The following TMCC1 variants were observed in gnomAD, a reference collection of about 807,000 sequenced individuals.
TMCC1 encodes transmembrane and coiled-coil domains protein 1.
A neutral mutation model predicts 52.4 loss-of-function variants in TMCC1; 15 were observed. The observed-to-expected ratio is 0.29, with a 90% CI of 0.19 to 0.44. TMCC1 has a LOEUF of 0.44. Ranked by LOEUF, TMCC1 falls within the 20% of genes least tolerant of loss-of-function variation. TMCC1 has a pLI of 1.00. For synonymous variants in TMCC1, 279 were observed against 301.9 expected, an observed-to-expected ratio of 0.92 and a Z score of 0.79; for missense variants, 503 against 806.0, an observed-to-expected ratio of 0.62 and a Z score of 4.55.
At chr3:129,761,946 G>A (rs969226783) in intron 4 of TMCC1, among the ~76,000 whole-genome samples, 4 of 130,262 alleles carry the variant, frequency 3.1e-5, no homozygotes, top group Admixed American at 9.1e-5. Flanking sequence ...AGCCGAGATC[G>A]TGCCATTGCA....
intron 1 of TMCC1, among the ~76,000 whole-genome samples, chr3:129,888,331 T>A (rs1434303318): frequency 6.6e-6 from 1 of 152,240 alleles, no homozygotes; most frequent in Non-Finnish European, 1.5e-5. Flanking sequence ...GATATGTGTA[T>A]ATACACAGGT....
At chr3:129,820,413 G>A (rs2058360117) in intron 4 of TMCC1, among the ~76,000 whole-genome samples, 1 of 151,942 alleles carries the variant, frequency 6.6e-6, no homozygotes, top group South Asian at 2.1e-4. Flanking sequence ...TTATTAGTCT[G>A]GAGAAGGGAT....
chr3:129,649,363 T>C lies in TMCC1; in HGVS notation c.*2118A>G, dbSNP rs1449838078. The stretch of plus-strand genomic sequence containing the variant: ...GCAATATTTTTAGGCAAAGTTAACA[T>C]TTTAATACATATAGGCTTGGGGACA... On this transcript the variant is annotated 3_prime_UTR_variant, in exon 7 of 7. Coordinates refer to ENST00000393238, the MANE Select transcript of TMCC1 (RefSeq NM_001017395.5). 6.6e-6 allele frequency: 1 copy of C among 152,230 alleles called. No individual in the cohort carries two copies. Among genetic ancestry groups the C allele is most frequent in the African/African-American group, 2.4e-5 (1 of 41,440 alleles). 9.4% of individuals were successfully genotyped at this position (152,230 alleles called of 1,614,324 possible). A position where few individuals can be genotyped will look rare whatever the true frequency, so the allele number is the denominator to read the frequency against.
chr3:129,716,436 GC>G (rs1349900269), intron 4 of TMCC1, among the ~76,000 whole-genome samples: 3 of 145,914 alleles, frequency 2.1e-5, no homozygotes, highest in Non-Finnish European at 4.5e-5. Context: ...CCAGGTTCAC[GC>G]CATTCTCCTG....
intron 4 of TMCC1, among the ~76,000 whole-genome samples, chr3:129,746,048 C>T (rs911174679): frequency 2.7e-5 from 4 of 150,032 alleles, no homozygotes; most frequent in African/African-American, 9.8e-5. Context: ...TGAGCCACTG[C>T]ACCCAGCCCT....
intron 2 of TMCC1, among the ~76,000 whole-genome samples, chr3:129,851,803 T>C (rs997262061): frequency 3.9e-5 from 6 of 152,148 alleles, no homozygotes; most frequent in African/African-American, 1.4e-4. Context: ...GCAGTATAGA[T>C]GAATAGGCAA....
chr3:129,654,859 T>C, intron 6 of TMCC1, 109 bp downstream of exon 6: 1 of 1,446,680 alleles, frequency 6.9e-7, no homozygotes, highest in Non-Finnish European at 9.3e-7. Context: ...ACAGTTGGTA[T>C]AAGCTTTTCT....
At chr3:129,891,756 T>G (rs1188565322) in intron 1 of TMCC1, among the ~76,000 whole-genome samples, 3 of 152,220 alleles carry the variant, frequency 2.0e-5, no homozygotes, top group Non-Finnish European at 4.4e-5. Flanking sequence ...AAGGGCTCAA[T>G]AAACATTTGA....
At chr3:129,833,289 C>T (rs959990675) in intron 2 of TMCC1, among the ~76,000 whole-genome samples, 1 of 151,970 alleles carries the variant, frequency 6.6e-6, no homozygotes, top group African/African-American at 2.4e-5. Context: ...TCTAAAAATC[C>T]TATCTTAGGC....
intron 4 of TMCC1, among the ~76,000 whole-genome samples, chr3:129,734,332 C>A (rs181710696): frequency 1.0e-3 from 157 of 152,236 alleles, no homozygotes; most frequent in African/African-American, 3.4e-3. Flanking sequence ...ACTTGCATAA[C>A]ATGTAGAAGA....
intron 2 of TMCC1, among the ~76,000 whole-genome samples, chr3:129,876,351 G>C (rs921658401): frequency 6.7e-6 from 1 of 149,998 alleles, no homozygotes; most frequent in African/African-American, 2.4e-5. Flanking sequence ...CCCACTGACA[G>C]AACAAAGACT....
intron 4 of TMCC1, among the ~76,000 whole-genome samples, chr3:129,810,681 A>G (rs1283585396): frequency 6.6e-6 from 1 of 152,268 alleles, no homozygotes; most frequent in Non-Finnish European, 1.5e-5. Flanking sequence ...ATTATATAAT[A>G]TAAAGACAAT....
At chr3:129,779,249 G>A (rs1447821827) in intron 4 of TMCC1, among the ~76,000 whole-genome samples, 1 of 152,094 alleles carries the variant, frequency 6.6e-6, no homozygotes, top group Non-Finnish European at 1.5e-5. Context: ...TTTACTTCTA[G>A]TCAGCATTGC....
intron 2 of TMCC1, among the ~76,000 whole-genome samples, chr3:129,840,860 G>A (rs1400173036): frequency 6.6e-6 from 1 of 152,116 alleles, no homozygotes; most frequent in Admixed American, 6.5e-5. Flanking sequence ...GTTTTTTATA[G>A]CAGTGTGAAA....
intron 4 of TMCC1, among the ~76,000 whole-genome samples, chr3:129,791,390 G>A (rs989261909): frequency 1.3e-5 from 2 of 152,076 alleles, no homozygotes; most frequent in African/African-American, 4.8e-5. Flanking sequence ...ACCGCACCCG[G>A]CCAGACACAC....
chr3:129,699,272 A>T (rs1310395115), intron 4 of TMCC1, among the ~76,000 whole-genome samples: 1 of 152,196 alleles, frequency 6.6e-6, no homozygotes, highest in Non-Finnish European at 1.5e-5. Context: ...GACCTTGCTG[A>T]TAAAATAGGC....
intron 2 of TMCC1, among the ~76,000 whole-genome samples, chr3:129,849,448 C>T (rs978499515): frequency 2.7e-5 from 4 of 148,666 alleles, no homozygotes; most frequent in African/African-American, 7.4e-5. Flanking sequence ...GGCAACAGAG[C>T]GAGACTCCAT....
Position 129,830,667 on chromosome 3 carries a change from T to C in TMCC1, c.-131+2107A>G, listed in dbSNP as rs148950509. ...TGATTTTTGTTGTTGTTGTTGGAAGTAAAATGTATAAAATATGTTTATCCC... is the reference window on the plus strand; with the variant it reads ...TGATTTTTGTTGTTGTTGTTGGAAGCAAAATGTATAAAATATGTTTATCCC... On this transcript the variant is annotated intron_variant, in intron 3 of 6. Coordinates refer to ENST00000393238, the MANE Select transcript of TMCC1 (RefSeq NM_001017395.5). 4.6e-5 allele frequency among the ~76,000 whole-genome samples: 7 copies of C among 152,314 alleles called. No individual in the cohort carries two copies. The East Asian group carries it at 1.4e-3, about 29-fold the overall frequency.
chr3:129,779,043 C>A (rs1445771213), intron 4 of TMCC1, among the ~76,000 whole-genome samples: 1 of 151,736 alleles, frequency 6.6e-6, no homozygotes, highest in African/African-American at 2.4e-5. Context: ...CATCAAACAA[C>A]CGTATCTTGA....
Sources: allele counts gnomAD v4.1 joint callset (sites outside exome capture counted in the v4.1 genomes callset), GRCh38; gene constraint gnomAD v4.1.1; transcripts MANE v1.5; gene names NCBI Gene and HGNC (gene_info 2026-07-23, HGNC 2026-07-21).